CACNA1B: variants seen among roughly 807,000 people sequenced by gnomAD.
CACNA1B encodes calcium voltage-gated channel subunit alpha1 B.
Under a neutral mutation model 247.2 loss-of-function variants are expected in CACNA1B, and 70 were observed. The observed-to-expected ratio is 0.28, with a 90% CI of 0.23 to 0.35. The LOEUF (loss-of-function observed/expected upper bound fraction) is 0.35. Among genes scored for constraint, CACNA1B ranks in the 10% least tolerant of loss-of-function variants. The probability of loss-of-function intolerance (pLI) is 1.00; values close to 1 mark genes in which losing one functional copy is unlikely to be tolerated. For missense variants in CACNA1B, 2,367 were observed against 3,197.4 expected, an observed-to-expected ratio of 0.74 and a Z score of 6.26; for synonymous variants, 1,231 against 1,294.4, an observed-to-expected ratio of 0.95 and a Z score of 1.05.
At chr9:138,028,025 T>G (rs1334463135) in intron 20 of CACNA1B, among the ~76,000 whole-genome samples, 2 of 120,824 alleles carry the variant, frequency 1.7e-5, no homozygotes, top group African/African-American at 6.2e-5. Flanking sequence ...CCCCCAACCT[T>G]TTTTTTTTTT....
intron 15 of CACNA1B, among the ~76,000 whole-genome samples, chr9:137,996,040 C>A (rs1386011808): frequency 6.6e-6 from 1 of 152,146 alleles, no homozygotes; most frequent in African/African-American, 2.4e-5. Context: ...AAAGGGAACA[C>A]TTTTACACTG....
intron 3 of CACNA1B, among the ~76,000 whole-genome samples, chr9:137,912,159 G>C (rs578148666): frequency 6.6e-6 from 1 of 152,194 alleles, no homozygotes; most frequent in African/African-American, 2.4e-5. Context: ...TATGAGCCTA[G>C]AGCTCCAGGT....
Position 137,986,763 on chromosome 9 carries a change from G to A in CACNA1B, c.1902-19G>A. 1 of 1,607,406 alleles carries A rather than the reference G, an allele frequency of 6.2e-7. No homozygotes were observed. The highest frequency in any genetic ancestry group is 8.5e-7 in the Non-Finnish European group (1 of 1,173,958). On this transcript the variant is annotated intron_variant, in intron 14 of 46. Transcript: ENST00000371372. This position sits in a 1 kb window ranked among gnomAD's most constrained non-coding sequence, Gnocchi z 6.0. Reference sequence around the variant, plus strand: ...TGCTGACGGGACTGCCACTTCCCAAGCCTTCCTGTTTTCCTCAGGTTCAAC... The same window carrying A: ...TGCTGACGGGACTGCCACTTCCCAAACCTTCCTGTTTTCCTCAGGTTCAAC...
intron 15 of CACNA1B, among the ~76,000 whole-genome samples, chr9:137,995,568 C>A (rs1238106972): frequency 6.6e-6 from 1 of 152,168 alleles, no homozygotes; most frequent in Non-Finnish European, 1.5e-5. Context: ...AGAGCTGAAA[C>A]CATAACAATT....
At position 138,070,719 on chromosome 9, in the gene CACNA1B, C is replaced by G. The variant is rs569385237; in HGVS notation, c.4674+956C>G. On this transcript the variant is annotated intron_variant, in intron 32 of 46. Transcript: ENST00000371372. Reference sequence around the variant, plus strand: ...CTGCACGCATCCAGCTCGTGCCAGTCAGGCCTCTGCTCAGCGTCACCTCCT... The same window carrying G: ...CTGCACGCATCCAGCTCGTGCCAGTGAGGCCTCTGCTCAGCGTCACCTCCT... Among the ~76,000 whole-genome samples, 9 of 152,376 alleles carry G rather than the reference C, an allele frequency of 5.9e-5. No individual in the cohort carries two copies. In the South Asian group the frequency reaches 1.9e-3, roughly 32 times the overall value.
At chr9:137,975,776 A>T (rs989963518) in intron 11 of CACNA1B, 131 bp from the exon 12 acceptor site, 13 of 693,770 alleles carry the variant, frequency 1.9e-5, no homozygotes, top group Middle Eastern at 6.2e-4. Flanking sequence ...ACTTCAGAGC[A>T]TAGGACCATA....
At position 138,045,862 on chromosome 9, in the gene CACNA1B, G is replaced by C. The variant is rs1959179394; in HGVS notation, c.3414-1042G>C. Reference sequence around the variant, plus strand: ...TTCCCTTCAAGGAAGAGGGAGATGTGGGCAGCCGCTTAAGATGAATGGCCC... The same window carrying C: ...TTCCCTTCAAGGAAGAGGGAGATGTCGGCAGCCGCTTAAGATGAATGGCCC... On this transcript the variant is annotated intron_variant, in intron 21 of 46. Coordinates refer to ENST00000371372, the MANE Select transcript of CACNA1B (RefSeq NM_000718.4). Among the ~76,000 whole-genome samples the C allele has an allele frequency of 2.6e-5, 4 of 152,202 alleles. No homozygotes were observed. The South Asian group carries it at 6.2e-4, about 24-fold the overall frequency.
At chr9:137,935,944 C>T (rs1957662311) in intron 6 of CACNA1B, among the ~76,000 whole-genome samples, 1 of 152,208 alleles carries the variant, frequency 6.6e-6, no homozygotes, top group Admixed American at 6.5e-5. Context: ...GCAGCCTCTG[C>T]CTCCTGGGTT....
intron 22 of CACNA1B, 111 bp downstream of exon 22, chr9:138,047,144 C>A: frequency 9.8e-7 from 1 of 1,018,806 alleles, no homozygotes. Context: ...TCTCACAGGG[C>A]ACCCCTCCTT....
In CACNA1B at chr9:138,122,254, G is replaced by A. The variant is rs1352378891; in HGVS notation, c.*255G>A. 1.1e-5 allele frequency: 6 copies of A among 541,780 alleles called. No homozygotes were observed. The highest frequency in any genetic ancestry group is 4.9e-5 in the South Asian group (2 of 40,664). The allele number at this position is 541,780 out of a possible 1,614,324, so 33.6% of individuals were successfully genotyped here. A position where few individuals can be genotyped will look rare whatever the true frequency, so the allele number is the denominator to read the frequency against. On this transcript the variant is annotated 3_prime_UTR_variant, in exon 47 of 47. Transcript: ENST00000371372. ...CGTACCACACACCAGACCCTAAACC[G>A]CAGGCTGCTGTGTGTGGCTGAGAAG...
chr9:137,940,791 C>T (rs770303517), intron 6 of CACNA1B, among the ~76,000 whole-genome samples: 46 of 152,200 alleles, frequency 3.0e-4, no homozygotes, highest in Non-Finnish European at 6.5e-4. Flanking sequence ...TGATACACCA[C>T]ATAAACAATT....
At chr9:137,915,556 G>T (rs1261154885) in intron 5 of CACNA1B, among the ~76,000 whole-genome samples, 1 of 152,110 alleles carries the variant, frequency 6.6e-6, no homozygotes, top group Non-Finnish European at 1.5e-5. Context: ...CCAGCCGGCG[G>T]TGGCTCACCT....
Position 138,023,638 on chromosome 9 carries a change from GC to G in CACNA1B, c.2899del (p.Arg967GlyfsTer42). On this transcript the variant is annotated frameshift_variant, in exon 19 of 47. Transcript: ENST00000371372. LOFTEE classifies it high-confidence loss of function. ...ARHRGGPRAG[P>X]REAESGEEPA... ...GGCACCGCGGCGGCCCCCGAGCGGGGCCCCGGGAGGCGGAGAGCGGGGAGGA... is the reference window on the plus strand; with the variant it reads ...GGCACCGCGGCGGCCCCCGAGCGGGGCCCGGGAGGCGGAGAGCGGGGAGGA... The G allele has an allele frequency of 3.6e-6, 5 of 1,389,018 alleles. No individual in the cohort carries two copies. Among genetic ancestry groups the G allele is most frequent in the Middle Eastern group, 2.7e-4 (1 of 3,734 alleles). The allele number at this position is 1,389,018 out of a possible 1,614,324, so 86.0% of individuals were successfully genotyped here. A position where few individuals can be genotyped will look rare whatever the true frequency, so the allele number is the denominator to read the frequency against.
In CACNA1B at chr9:137,908,878, G is replaced by A. The variant is rs539912658; in HGVS notation, c.531-4302G>A. 1.1e-4 allele frequency among the ~76,000 whole-genome samples: 17 copies of A among 152,042 alleles called. No homozygotes were observed. The East Asian group carries it at 2.7e-3, about 24-fold the overall frequency. Reference sequence around the variant, plus strand: ...GATCTCCTGACCTCGTGATCCGTCCGCCTCGGCCTCCCAAAGTGCTGGGAT... The same window carrying A: ...GATCTCCTGACCTCGTGATCCGTCCACCTCGGCCTCCCAAAGTGCTGGGAT... On this transcript the variant is annotated intron_variant, in intron 3 of 46. Coordinates refer to ENST00000371372, the MANE Select transcript of CACNA1B (RefSeq NM_000718.4).
At chr9:137,968,242 G>A (rs1227513179) in intron 10 of CACNA1B, among the ~76,000 whole-genome samples, 1 of 152,142 alleles carries the variant, frequency 6.6e-6, no homozygotes, top group African/African-American at 2.4e-5. Context: ...ACGAAGCCGT[G>A]CTTGAATCTC....
At chr9:138,000,195 T>C (rs1958551489) in intron 15 of CACNA1B, among the ~76,000 whole-genome samples, 1 of 150,914 alleles carries the variant, frequency 6.6e-6, no homozygotes, top group Admixed American at 6.6e-5. Context: ...GCCTCCCGGG[T>C]TCACGCCATT....
rs745736941 is a variant in CACNA1B, at chr9:138,073,532, G to A, written c.4719G>A (p.Ala1573=). ...GCTTCCTCCGCCTCTTTCGAGCTGCGCGGCTGATCAAGCTGCTCCGCCAGG... is the reference window on the plus strand; with the variant it reads ...GCTTCCTCCGCCTCTTTCGAGCTGCACGGCTGATCAAGCTGCTCCGCCAGG... The part of the protein sequence containing the change: ...NLSFLRLFRA[A]RLIKLLRQGY... The change falls in exon 33 of 47, where the codon GCG becomes GCA. Residue 1573 remains alanine (A), a synonymous_variant. Transcript: ENST00000371372. The surrounding 1 kb of genome is among the most constrained non-coding windows in gnomAD (Gnocchi z 6.4). 17 of 1,613,314 alleles carry A rather than the reference G, an allele frequency of 1.1e-5. No individual in the cohort carries two copies. Among genetic ancestry groups the A allele is most frequent in the South Asian group, 2.2e-5 (2 of 91,060 alleles).
intron 6 of CACNA1B, among the ~76,000 whole-genome samples, chr9:137,931,566 C>A (rs561574989): frequency 6.6e-6 from 1 of 152,200 alleles, no homozygotes; most frequent in South Asian, 2.1e-4. Flanking sequence ...CTCATTTCCC[C>A]CGAGATGTGA....
At chr9:138,108,730 GCTCTGCCTCC>G (rs1961523707) in intron 39 of CACNA1B, among the ~76,000 whole-genome samples, 1 of 151,656 alleles carries the variant, frequency 6.6e-6, no homozygotes, top group Non-Finnish European at 1.5e-5. Flanking sequence ...CTCACTACAA[GCTCTGCCTCC>G]TGGGTTCACG....
Sources: allele counts gnomAD v4.1 joint callset (sites outside exome capture counted in the v4.1 genomes callset), GRCh38; gene constraint gnomAD v4.1.1; non-coding constraint Gnocchi (gnomAD v3.1); transcripts MANE v1.5; gene names NCBI Gene and HGNC (gene_info 2026-07-23, HGNC 2026-07-21).